The following ALOXE3 variants were observed in gnomAD, a reference collection of about 807,000 sequenced individuals.
ALOXE3 encodes the protein arachidonate epidermal lipoxygenase 3.
Under a neutral mutation model 87.5 loss-of-function variants are expected in ALOXE3, and 78 were observed. The observed-to-expected ratio is 0.89, with a 90% CI of 0.74 to 1.08. The LOEUF is 1.08. ALOXE3 is among the 50% of genes least tolerant of loss of function. The pLI, the probability that ALOXE3 is intolerant of heterozygous loss-of-function variation, is 0.00. For synonymous variants in ALOXE3, 363 were observed against 370.8 expected (o/e 0.98, Z 0.24); for missense variants, 946 against 912.4 (o/e 1.04, Z -0.47).
rs990232852 is a variant in ALOXE3 at position 8,096,066 on chromosome 17, G to A, written c.*561C>T. 5 of 154,188 alleles carry A rather than the reference G, an allele frequency of 3.2e-5. No homozygotes were observed. Among genetic ancestry groups the A allele is most frequent in the African/African-American group, 7.2e-5 (3 of 41,446 alleles). The allele number at this position is 154,188 out of a possible 1,614,324, so 9.6% of individuals were successfully genotyped here. A position where few individuals can be genotyped will look rare whatever the true frequency, so the allele number is the denominator to read the frequency against. ...TGGGAACCTGTTCCTGAGAACAGCCGTTAGGGGTCCAGGCAAGCTGCCCTC... is the reference window on the plus strand; with the variant it reads ...TGGGAACCTGTTCCTGAGAACAGCCATTAGGGGTCCAGGCAAGCTGCCCTC... On this transcript the variant is annotated 3_prime_UTR_variant, in exon 16 of 16. Coordinates refer to ENST00000448843, the MANE Select transcript of ALOXE3 (RefSeq NM_021628.3).
chr17:8,105,834 G>A (rs1421485529), intron 13 of ALOXE3, among the ~76,000 whole-genome samples: 2 of 146,962 alleles, frequency 1.4e-5, no homozygotes, highest in Non-Finnish European at 3.0e-5. Flanking sequence ...AGGATCACTT[G>A]AGCCTGGGAG....
At chr17:8,107,881 GAAA>G (rs1567996226) in intron 13 of ALOXE3, among the ~76,000 whole-genome samples, 497 of 3,778 alleles carry the variant, frequency 0.13, 138 homozygotes, top group Non-Finnish European at 0.21. Context: ...AAGAAAGAAA[GAAA>G]GAAAGAAAGA....
intron 13 of ALOXE3, 86 bp downstream of exon 13, chr17:8,108,382 C>G: frequency 2.6e-6 from 4 of 1,562,166 alleles, no homozygotes; most frequent in Non-Finnish European, 3.5e-6. Context: ...AAAGGCTGGT[C>G]AATAAATAAC....
intron 15 of ALOXE3, among the ~76,000 whole-genome samples, chr17:8,102,628 C>G (rs150160475): frequency 6.6e-6 from 1 of 152,334 alleles, no homozygotes; most frequent in African/African-American, 2.4e-5. Flanking sequence ...CTCGCCTTCG[C>G]TCCTTGGTCC....
chr17:8,114,644 T>C (rs1980421804), intron 5 of ALOXE3, 35 bp from the exon 6 acceptor site: 2 of 1,613,140 alleles, frequency 1.2e-6, no homozygotes, highest in Non-Finnish European at 1.7e-6. Context: ...CAGAAACCAG[T>C]CAGTGGGCCC....
intron 13 of ALOXE3, among the ~76,000 whole-genome samples, chr17:8,107,398 T>C (rs1979398441): frequency 6.6e-6 from 1 of 152,148 alleles, no homozygotes; most frequent in South Asian, 2.1e-4. Context: ...ACGCCTGTAA[T>C]CCCAGCTACT....
intron 14 of ALOXE3, among the ~76,000 whole-genome samples, chr17:8,103,757 G>T (rs968490626): frequency 2.0e-5 from 3 of 152,038 alleles, no homozygotes; most frequent in Non-Finnish European, 2.9e-5. Flanking sequence ...ACTCGGTGGG[G>T]TGAGTCACTA....
At chr17:8,102,495 G>C (rs541605104) in intron 15 of ALOXE3, among the ~76,000 whole-genome samples, 54 of 152,154 alleles carry the variant, frequency 3.5e-4, no homozygotes, top group African/African-American at 1.3e-3. Flanking sequence ...TCCATGTGGG[G>C]GGGTGGGGGA....
chr17:8,116,762 C>T lies in ALOXE3; in HGVS notation c.352+14G>A, dbSNP rs753970589. ...ACCTTCTGCAGTACAGTGTAGTCCT[C>T]GTCTCTGGCCCACCTGTTCCTGGCC... is the stretch of plus-strand genomic sequence containing the variant. On this transcript the variant is annotated intron_variant, in intron 3 of 15. Transcript: ENST00000448843. The T allele has an allele frequency of 2.0e-5, 32 of 1,613,554 alleles. No individual in the cohort carries two copies. The highest frequency in any genetic ancestry group is 2.7e-5 in the African/African-American group (2 of 74,924).
intron 15 of ALOXE3, among the ~76,000 whole-genome samples, chr17:8,099,618 G>A (rs997395434): frequency 5.3e-5 from 8 of 150,258 alleles, no homozygotes; most frequent in African/African-American, 7.4e-5. Context: ...CCGAGACCGC[G>A]CCACTGCACT....
chr17:8,111,466 G>T lies in ALOXE3; in HGVS notation c.850C>A (p.Pro284Thr). 1 of 1,614,172 alleles carries T rather than the reference G, an allele frequency of 6.2e-7. No individual in the cohort carries two copies. Among genetic ancestry groups the T allele is most frequent in the South Asian group, 1.1e-5 (1 of 91,084 alleles). The change falls in exon 8 of 16, where the codon CCC becomes ACC. Residue 284 changes from proline (P) to threonine (T), a missense_variant. Physicochemically the swap from Pro to Thr is conservative, Grantham distance 38. Coordinates refer to ENST00000448843, the MANE Select transcript of ALOXE3 (RefSeq NM_021628.3). ...CTAGAGATGCAGTGGAGCATGACGGGATTGACACCATTCAGGTACTGGTAC... is the reference window on the plus strand; with the variant it reads ...CTAGAGATGCAGTGGAGCATGACGGTATTGACACCATTCAGGTACTGGTAC... The part of the protein sequence containing the change: ...FGYQYLNGVN[P>T]VMLHCISSLP...
At chr17:8,107,275 G>A (rs1238900023) in intron 13 of ALOXE3, among the ~76,000 whole-genome samples, 5 of 152,208 alleles carry the variant, frequency 3.3e-5, no homozygotes, top group African/African-American at 1.2e-4. Flanking sequence ...CCAGTACTTC[G>A]GGAGGCCGAG....
chr17:8,115,372 A>C (rs1050218723), intron 4 of ALOXE3, among the ~76,000 whole-genome samples: 8 of 152,186 alleles, frequency 5.3e-5, no homozygotes, highest in Non-Finnish European at 8.8e-5. Flanking sequence ...TCTGGGTTAC[A>C]TCAGGGACAG....
rs1275085090 is a variant in ALOXE3, at chr17:8,104,144, C to T, written c.1756G>A (p.Ala586Thr). ...CCACTGTTGACAGCAGCGTGCTGGG[C>T]AGAGCAATTGAAGATGATTGCAGTG... Reference protein sequence around the residue: ...FLTAIIFNCSAQHAAVNSGQH... With the variant: ...FLTAIIFNCSTQHAAVNSGQH... Residue 586 changes from alanine to threonine, a missense_variant, in exon 14 of 16, where the codon GCC becomes ACC. Ala to Thr is a moderately conservative substitution (Grantham distance 58, BLOSUM62 0). Transcript: ENST00000448843. 5 of 1,613,810 alleles carry T rather than the reference C, an allele frequency of 3.1e-6. No individual in the cohort carries two copies. The highest frequency in any genetic ancestry group is 2.2e-5 in the East Asian group (1 of 44,888).
chr17:8,105,720 T>C (rs759216832), intron 13 of ALOXE3, among the ~76,000 whole-genome samples: 5 of 151,562 alleles, frequency 3.3e-5, no homozygotes, highest in Admixed American at 2.0e-4. Context: ...CTGGGCAACA[T>C]AGCAAGACCT....
chr17:8,114,948 G>C lies in ALOXE3; in HGVS notation c.544C>G (p.Gln182Glu). Residue 182 changes from glutamine to glutamate, a missense_variant, in exon 5 of 16, where the codon CAG (glutamine) becomes GAG (glutamate). Gln to Glu is a conservative substitution (Grantham distance 29). Coordinates refer to ENST00000448843, the MANE Select transcript of ALOXE3 (RefSeq NM_021628.3). ...AGCTTTAATCTTCACCTGTCACCCT[G>C]GTCTACACAAGTTGTCGTCTTTGTC... ...ALTKTTTCVD[Q>E]GDSSGNRYLP... 1 of 1,614,034 alleles carries C rather than the reference G, an allele frequency of 6.2e-7. No individual in the cohort carries two copies.
At chr17:8,105,266 ATT>A (rs1020844131) in intron 13 of ALOXE3, among the ~76,000 whole-genome samples, 5 of 152,138 alleles carry the variant, frequency 3.3e-5, no homozygotes, top group Non-Finnish European at 7.4e-5. Flanking sequence ...GCACCAGCAC[ATT>A]CAGAATTCAG....
Position 8,109,239 on chromosome 17 carries a change from G to T in ALOXE3, c.1497C>A (p.Gly499=). The T allele has an allele frequency of 6.2e-7, 1 of 1,614,072 alleles. No individual in the cohort carries two copies. Among genetic ancestry groups the T allele is most frequent in the Non-Finnish European group, 8.5e-7 (1 of 1,180,046 alleles). The change falls in exon 12 of 16, where the codon GGC becomes GGA. Residue 499 remains glycine (G), a synonymous_variant. Coordinates refer to ENST00000448843, the MANE Select transcript of ALOXE3 (RefSeq NM_021628.3). ...FCLPDSLRAR[G]VLAIPNYHYR... The stretch of plus-strand genomic sequence containing the variant: ...AGTGGTAGTTGGGGATAGCCAGGAC[G>T]CCGCGGGCCCGCAGGCTGTCCGGAA...
intron 15 of ALOXE3, among the ~76,000 whole-genome samples, chr17:8,102,423 G>A (rs1013004866): frequency 1.3e-5 from 2 of 152,130 alleles, no homozygotes; most frequent in Admixed American, 6.5e-5. Flanking sequence ...AACCTGGGAG[G>A]CGGAGGTTGC....
Sources: gnomAD v4.1 joint callset for allele counts (sites outside exome capture counted in the v4.1 genomes callset) on GRCh38, gnomAD v4.1.1 for gene constraint, MANE v1.5 for transcripts, NCBI Gene and HGNC (gene_info 2026-07-23, HGNC 2026-07-21) for gene names.